The following WDFY4 variants were observed in gnomAD, a reference collection of about 807,000 sequenced individuals.
WDFY4 encodes the protein WDFY family member 4, also known as WD repeat- and FYVE domain-containing protein 4.
A neutral mutation model predicts 351.9 loss-of-function variants in WDFY4; 169 were observed. The ratio of observed to expected loss-of-function variants is 0.48; its 90% CI spans 0.42 to 0.55. The LOEUF is 0.55. WDFY4 is among the 20% of genes least tolerant of loss of function. The pLI is 0.00. For synonymous variants in WDFY4, 1,622 were observed against 1,574.6 expected, an observed-to-expected ratio of 1.03 and a Z score of -0.71; for missense variants, 3,803 against 3,935.6, an observed-to-expected ratio of 0.97 and a Z score of 0.90.
At chr10:48,908,629 T>A (rs1430817590) in intron 47 of WDFY4, among the ~76,000 whole-genome samples, 4 of 150,416 alleles carry the variant, frequency 2.7e-5, no homozygotes, top group Admixed American at 6.6e-5. Context: ...GCTGTAAGAT[T>A]TTTTTTTTTA....
intron 24 of WDFY4, among the ~76,000 whole-genome samples, chr10:48,802,245 G>A (rs535918637): frequency 3.3e-5 from 5 of 152,270 alleles, no homozygotes; most frequent in Non-Finnish European, 7.4e-5. Flanking sequence ...GCATGGTGGT[G>A]CAAACCTGTA....
At chr10:48,685,351 AG>A (rs1482541860) in intron 1 of WDFY4, among the ~76,000 whole-genome samples, 5 of 152,168 alleles carry the variant, frequency 3.3e-5, no homozygotes, top group Admixed American at 2.0e-4. Flanking sequence ...AACCCTGGGA[AG>A]GGCTGACACG....
At chr10:48,697,110 C>T (rs546209978) in intron 1 of WDFY4, among the ~76,000 whole-genome samples, 2 of 152,282 alleles carry the variant, frequency 1.3e-5, no homozygotes, top group Admixed American at 1.3e-4. Context: ...TGTCACACAG[C>T]CCAGGCTAAC....
chr10:48,812,612 C>G (rs1316810492), intron 30 of WDFY4, among the ~76,000 whole-genome samples: 3 of 152,186 alleles, frequency 2.0e-5, no homozygotes, highest in Admixed American at 2.0e-4. Context: ...CACTCCTGAC[C>G]AAATGCTGCC....
At chr10:48,754,433 GC>G (rs1376709001) in intron 12 of WDFY4, among the ~76,000 whole-genome samples, 1 of 151,640 alleles carries the variant, frequency 6.6e-6, no homozygotes, top group Non-Finnish European at 1.5e-5. Flanking sequence ...GGCCAAACCT[GC>G]CATTCAAATT....
intron 50 of WDFY4, 33 bp from the exon 51 acceptor site, chr10:48,946,827 G>A (rs1437921944): frequency 1.5e-5 from 23 of 1,497,930 alleles, no homozygotes; most frequent in Middle Eastern, 1.7e-4. Context: ...TGCAGGTAAG[G>A]AAGCAGCCCT....
chr10:48,805,564 G>T, intron 26 of WDFY4, 143 bp downstream of exon 26: 1 of 1,209,202 alleles, frequency 8.3e-7, no homozygotes, highest in Non-Finnish European at 1.1e-6. Flanking sequence ...GCTGAGAGTT[G>T]GGGAAAGGAT....
chr10:48,920,244 G>A (rs147755170), intron 47 of WDFY4, among the ~76,000 whole-genome samples: 13 of 152,038 alleles, frequency 8.6e-5, no homozygotes, highest in East Asian at 7.7e-4. Context: ...GCTAAAGGAC[G>A]TCCACAAAAA....
Position 48,787,968 on chromosome 10 carries a change from TCTTCTTCTTCTTCTTCTC to T in WDFY4, c.3809-556_3809-539del, listed in dbSNP as rs1565199317. On this transcript the variant is annotated intron_variant, in intron 20 of 61. Transcript: ENST00000325239. ...TTCTTCTTCTTCTTCTTCTTCTTCTTCTTCTTCTTCTTCTTCTCCTTCTCCTTCTCCTTCTCCTTCTCC... is the reference window on the plus strand; with the variant it reads ...TTCTTCTTCTTCTTCTTCTTCTTCTTCTTCTCCTTCTCCTTCTCCTTCTCC... Among the ~76,000 whole-genome samples, 21 of 93,284 alleles carry T rather than the reference TCTTCTTCTTCTTCTTCTC, an allele frequency of 2.3e-4. 1 individual carries two copies. The highest frequency in any genetic ancestry group is 3.7e-4 in the African/African-American group (8 of 21,508). 61.2% of individuals were successfully genotyped at this position (93,284 alleles called of 152,430 possible).
chr10:48,720,767 G>A (rs2064058327), intron 3 of WDFY4, among the ~76,000 whole-genome samples: 2 of 152,208 alleles, frequency 1.3e-5, no homozygotes, highest in South Asian at 2.1e-4. Context: ...AGGCCAAAGT[G>A]CATCTCTTGT....
At position 48,780,064 on chromosome 10, in the gene WDFY4, A is replaced by G; in HGVS notation, c.3521A>G (p.Lys1174Arg). The stretch of plus-strand genomic sequence containing the variant: ...GCTGTGGTTGTCACTAAGGAAATGA[A>G]AAGGCATTGTACAGTTTCCACCTGT... Reference protein sequence around the residue: ...HLAVVVTKEMKRHCTVSTCLD... With the variant: ...HLAVVVTKEMRRHCTVSTCLD... Residue 1174 changes from lysine (K) to arginine (R), a missense_variant, in exon 19 of 62, where the codon AAA becomes AGA. Coordinates refer to ENST00000325239, the MANE Select transcript of WDFY4 (RefSeq NM_001394531.1). 1 of 1,552,018 alleles carries G rather than the reference A, an allele frequency of 6.4e-7. No homozygotes were observed. Among genetic ancestry groups the G allele is most frequent in the South Asian group, 1.2e-5 (1 of 84,060 alleles).
At chr10:48,699,511 GA>G (rs144946663) in intron 1 of WDFY4, among the ~76,000 whole-genome samples, 1 of 152,318 alleles carries the variant, frequency 6.6e-6, no homozygotes, top group East Asian at 1.9e-4. Context: ...GACAACCTCA[GA>G]GGGAGAGTGG....
intron 39 of WDFY4, among the ~76,000 whole-genome samples, chr10:48,855,568 A>G (rs1260830805): frequency 2.0e-5 from 3 of 152,272 alleles, no homozygotes; most frequent in Admixed American, 6.5e-5. Context: ...TAAGGACTCC[A>G]AAGAGCTTTG....
chr10:48,738,960 C>T (rs763143830), intron 11 of WDFY4, among the ~76,000 whole-genome samples: 37 of 152,188 alleles, frequency 2.4e-4, no homozygotes, highest in Non-Finnish European at 4.6e-4. Flanking sequence ...CACTTCCATA[C>T]CAACACTGAA....
At chr10:48,816,930 A>G (rs1012755970) in intron 31 of WDFY4, among the ~76,000 whole-genome samples, 12 of 152,230 alleles carry the variant, frequency 7.9e-5, no homozygotes, top group African/African-American at 2.9e-4. Context: ...TCTACCCAAT[A>G]CAGTAGACAA....
At chr10:48,728,850 T>G (rs2064358595) in intron 7 of WDFY4, among the ~76,000 whole-genome samples, 1 of 152,212 alleles carries the variant, frequency 6.6e-6, no homozygotes, top group African/African-American at 2.4e-5. Flanking sequence ...AGAAACCTAT[T>G]CCAGGGAGTG....
At position 48,915,136 on chromosome 10, in the gene WDFY4, C is replaced by G. The variant is rs114549109; in HGVS notation, c.7586+13273C>G. Among the ~76,000 whole-genome samples, 7 of 152,244 alleles carry G rather than the reference C, an allele frequency of 4.6e-5. 1 individual carries two copies. The highest frequency in any genetic ancestry group is 1.7e-4 in the African/African-American group (7 of 41,562). On this transcript the variant is annotated intron_variant, in intron 47 of 61. Coordinates refer to ENST00000325239, the MANE Select transcript of WDFY4 (RefSeq NM_001394531.1). The stretch of plus-strand genomic sequence containing the variant: ...GTTTTCTTATTTGTGAAAACAGACA[C>G]CCTTACAGAGCTATGAGGGGGCGTA...
intron 1 of WDFY4, among the ~76,000 whole-genome samples, chr10:48,692,170 T>A (rs1290280465): frequency 6.6e-6 from 1 of 152,190 alleles, no homozygotes; most frequent in Admixed American, 6.5e-5. Flanking sequence ...GGTGATTGAA[T>A]GGCCAGGCAG....
chr10:48,784,273 C>T (rs564441206), intron 19 of WDFY4, among the ~76,000 whole-genome samples: 1 of 152,248 alleles, frequency 6.6e-6, no homozygotes, highest in African/African-American at 2.4e-5. Flanking sequence ...CAAACTATTT[C>T]GAAAATGATT....
Sources: allele counts gnomAD v4.1 joint callset (sites outside exome capture counted in the v4.1 genomes callset), GRCh38; gene constraint gnomAD v4.1.1; transcripts MANE v1.5; gene names NCBI Gene and HGNC (gene_info 2026-07-23, HGNC 2026-07-21).